Variants in PCNX1 observed in about 807,000 individuals in gnomAD.
PCNX1 encodes the protein pecanex 1, also known as pecanex-like protein 1.
Under a neutral mutation model 242.2 loss-of-function variants are expected in PCNX1, and 78 were observed. The ratio of observed to expected loss-of-function variants is 0.32; its 90% CI spans 0.27 to 0.39. PCNX1 has a LOEUF of 0.39. Ranked by LOEUF, PCNX1 falls within the 10% of genes least tolerant of loss-of-function variation. The pLI is 1.00. For synonymous variants in PCNX1, 1,024 were observed against 1,032.9 expected (o/e 0.99, Z 0.17); for missense variants, 2,581 against 2,856.5 (o/e 0.90, Z 2.20).
chr14:70,976,372 C>G (rs67860452), intron 5 of PCNX1, among the ~76,000 whole-genome samples: 499 of 82,678 alleles, frequency 6.0e-3, no homozygotes, highest in African/African-American at 0.022. Flanking sequence ...TTCTTTCTTT[C>G]TTTTTTTTTT....
At chr14:70,965,889 G>A (rs1386099431) in intron 3 of PCNX1, among the ~76,000 whole-genome samples, 1 of 152,016 alleles carries the variant, frequency 6.6e-6, no homozygotes, top group Non-Finnish European at 1.5e-5. Context: ...AGAAACAGTG[G>A]AATATTTTAG....
chr14:71,033,658 A>G (rs1454946342), intron 17 of PCNX1, 120 bp downstream of exon 17: 1 of 613,340 alleles, frequency 1.6e-6, no homozygotes, highest in Non-Finnish European at 2.8e-6. Context: ...CCTAATCTAT[A>G]TTAAGTTTCA....
intron 2 of PCNX1, among the ~76,000 whole-genome samples, chr14:70,954,124 C>A (rs1407771971): frequency 6.6e-6 from 1 of 151,974 alleles, no homozygotes; most frequent in African/African-American, 2.4e-5. Context: ...TTATTTTTTT[C>A]TTTATGAATC....
intron 19 of PCNX1, among the ~76,000 whole-genome samples, chr14:71,042,634 T>C (rs983517873): frequency 1.3e-5 from 2 of 152,104 alleles, no homozygotes; most frequent in South Asian, 2.1e-4. Flanking sequence ...AAGCAGAGTG[T>C]ATTTTTATTT....
chr14:70,950,812 T>G (rs2057747957), intron 2 of PCNX1, among the ~76,000 whole-genome samples: 1 of 152,070 alleles, frequency 6.6e-6, no homozygotes, highest in South Asian at 2.1e-4. Context: ...GTGGATTTTT[T>G]TTTGCTATTG....
chr14:70,969,660 C>G (rs1328826250), intron 5 of PCNX1, among the ~76,000 whole-genome samples: 2 of 152,140 alleles, frequency 1.3e-5, no homozygotes, highest in African/African-American at 4.8e-5. Context: ...CTATCTAACC[C>G]TATATCCCAT....
At chr14:71,097,075 A>G (rs866676727) in intron 30 of PCNX1, among the ~76,000 whole-genome samples, 12 of 152,310 alleles carry the variant, frequency 7.9e-5, no homozygotes, top group African/African-American at 2.4e-4. Flanking sequence ...GAGCCTTCTA[A>G]GAATTATCCT....
chr14:70,940,013 ATG>A (rs1251993533), intron 1 of PCNX1, among the ~76,000 whole-genome samples: 1 of 152,080 alleles, frequency 6.6e-6, no homozygotes, highest in Non-Finnish European at 1.5e-5. Flanking sequence ...TTTTGAGCCT[ATG>A]TGTGTCCCTG....
chr14:71,042,492 A>G (rs1355174245), intron 19 of PCNX1, among the ~76,000 whole-genome samples: 2 of 151,898 alleles, frequency 1.3e-5, no homozygotes, highest in Non-Finnish European at 2.9e-5. Flanking sequence ...CTCCGCCAGC[A>G]TGCTTTTGGT....
chr14:71,093,971 G>A (rs928587494), intron 30 of PCNX1: 1 of 152,124 alleles, frequency 6.6e-6, no homozygotes, highest in African/African-American at 2.4e-5. Flanking sequence ...TATGTTATTA[G>A]TAAGGCTTCT....
At chr14:71,094,744 A>G (rs908768705) in intron 30 of PCNX1, among the ~76,000 whole-genome samples, 2 of 152,182 alleles carry the variant, frequency 1.3e-5, no homozygotes, top group Admixed American at 1.3e-4. Context: ...CCTGGTCAAC[A>G]TAGTAGGACT....
At chr14:71,001,435 A>G (rs1198083276) in intron 8 of PCNX1, among the ~76,000 whole-genome samples, 2 of 152,338 alleles carry the variant, frequency 1.3e-5, no homozygotes, top group African/African-American at 2.4e-5. Context: ...GTAAATCTAG[A>G]TGAATTTTAT....
At chr14:71,031,089 A>C (rs1267996411) in intron 16 of PCNX1, among the ~76,000 whole-genome samples, 1 of 152,202 alleles carries the variant, frequency 6.6e-6, no homozygotes, top group African/African-American at 2.4e-5. Flanking sequence ...CCTTCCACCA[A>C]AACTCTAAGC....
chr14:71,011,692 G>A, intron 10 of PCNX1, 143 bp downstream of exon 10: 1 of 605,332 alleles, frequency 1.7e-6, no homozygotes, highest in South Asian at 2.1e-5. Flanking sequence ...TCACTTTGCT[G>A]CCCTCCAGTG....
intron 26 of PCNX1, among the ~76,000 whole-genome samples, chr14:71,068,701 A>T (rs1157588218): frequency 7.2e-6 from 1 of 138,390 alleles, no homozygotes; most frequent in East Asian, 2.0e-4. Context: ...GAACATATAC[A>T]TGCATATATG....
chr14:71,039,004 T>C (rs1029361330), intron 19 of PCNX1, among the ~76,000 whole-genome samples: 7 of 151,140 alleles, frequency 4.6e-5, no homozygotes, highest in Admixed American at 1.3e-4. Context: ...TTCTCACTCA[T>C]AGGTGGGAAT....
At chr14:71,043,001 C>CT (rs35021215) in intron 19 of PCNX1, among the ~76,000 whole-genome samples, 84,688 of 151,822 alleles carry the variant, frequency 0.56, 24,990 homozygotes, top group East Asian at 0.74. Flanking sequence ...GTAATAAATT[C>CT]CTTAGTCTTT....
intron 32 of PCNX1, among the ~76,000 whole-genome samples, chr14:71,104,048 A>C (rs116753123): frequency 6.6e-6 from 1 of 152,202 alleles, no homozygotes; most frequent in African/African-American, 2.4e-5. Flanking sequence ...CTAGTTTACC[A>C]TTCTGTTCCA....
chr14:71,083,960 C>T (rs2061920128), intron 28 of PCNX1, among the ~76,000 whole-genome samples: 1 of 152,174 alleles, frequency 6.6e-6, no homozygotes, highest in Non-Finnish European at 1.5e-5. Flanking sequence ...GGCCTTTTTG[C>T]ACTGGTTTTT....
Sources: gnomAD v4.1 joint callset for allele counts (sites outside exome capture counted in the v4.1 genomes callset) on GRCh38, gnomAD v4.1.1 for gene constraint, MANE v1.5 for transcripts, NCBI Gene and HGNC (gene_info 2026-07-23, HGNC 2026-07-21) for gene names.